The following BAZ1A variants were observed in gnomAD, a reference collection of about 807,000 sequenced individuals.
BAZ1A encodes bromodomain adjacent to zinc finger domain 1A, also known as bromodomain adjacent to zinc finger domain protein 1A.
In BAZ1A, 50 loss-of-function variants were observed where a neutral mutation model predicts 185.2. The observed-to-expected ratio is 0.27, with a 90% CI of 0.22 to 0.34. BAZ1A has a LOEUF of 0.34. Among genes scored for constraint, BAZ1A ranks in the 10% least tolerant of loss-of-function variants. The probability of loss-of-function intolerance (pLI) is 1.00; values close to 1 mark genes in which losing one functional copy is unlikely to be tolerated. For synonymous variants in BAZ1A, 571 were observed against 615.6 expected (o/e 0.93, Z 1.07); for missense variants, 1,356 against 1,839.9 (o/e 0.74, Z 4.81).
At chr14:34,796,165 T>C (rs201507069) in intron 9 of BAZ1A, among the ~76,000 whole-genome samples, 23 of 146,606 alleles carry the variant, frequency 1.6e-4, no homozygotes, top group South Asian at 8.7e-4. Flanking sequence ...TACATATACA[T>C]ACACACACAC....
At chr14:34,769,131 T>C (rs1879045884) in intron 21 of BAZ1A, among the ~76,000 whole-genome samples, 1 of 152,274 alleles carries the variant, frequency 6.6e-6, no homozygotes, top group East Asian at 1.9e-4. Flanking sequence ...ATGGAGAATT[T>C]CGATATATAT....
intron 26 of BAZ1A, 77 bp downstream of exon 26, chr14:34,754,750 A>G (rs8005659): frequency 0.27 from 279,343 of 1,037,524 alleles, 39,529 homozygotes; most frequent in East Asian, 0.3. Flanking sequence ...ACCTCTTTAA[A>G]CAAAAATAAA....
intron 4 of BAZ1A, among the ~76,000 whole-genome samples, chr14:34,819,139 T>C (rs1594871689): frequency 5.2e-5 from 1 of 19,184 alleles, no homozygotes; most frequent in Non-Finnish European, 9.2e-5. Flanking sequence ...AGACTCTGTC[T>C]CAAAAAAAAA....
rs2145031 is a variant in BAZ1A at position 34,874,423 on chromosome 14, A to C, written c.113+69T>G. On this transcript the variant is annotated intron_variant, in intron 2 of 26. Coordinates refer to ENST00000360310, the MANE Select transcript of BAZ1A (RefSeq NM_013448.3). The surrounding 1 kb of genome is among the most constrained non-coding windows in gnomAD (Gnocchi z 4.7). ...AGAAGCCCAGGGCGAGGAAAAGGAGAGAGACAAAAGAGCGCTGCGGGGGGA... is the reference window on the plus strand; with the variant it reads ...AGAAGCCCAGGGCGAGGAAAAGGAGCGAGACAAAAGAGCGCTGCGGGGGGA... The C allele has an allele frequency of 0.27, 384,051 of 1,408,242 alleles. 54,547 individuals are homozygous for C. The highest frequency in any genetic ancestry group is 0.32 in the Middle Eastern group (1,749 of 5,504). 87.2% of individuals were successfully genotyped at this position (1,408,242 alleles called of 1,614,324 possible). A position where few individuals can be genotyped will look rare whatever the true frequency, so the allele number is the denominator to read the frequency against.
At chr14:34,865,734 C>T (rs1809543173) in intron 2 of BAZ1A, among the ~76,000 whole-genome samples, 1 of 151,998 alleles carries the variant, frequency 6.6e-6, no homozygotes, top group Non-Finnish European at 1.5e-5. Flanking sequence ...AGGAAATAAT[C>T]GGTGTATATC....
At chr14:34,826,708 C>T (rs533064679) in intron 3 of BAZ1A, among the ~76,000 whole-genome samples, 1 of 152,256 alleles carries the variant, frequency 6.6e-6, no homozygotes, top group East Asian at 1.9e-4. Flanking sequence ...TTGTTGTAGT[C>T]AGAGAATATA....
At chr14:34,798,618 CAA>C (rs1408760296) in intron 9 of BAZ1A, among the ~76,000 whole-genome samples, 2 of 152,040 alleles carry the variant, frequency 1.3e-5, no homozygotes, top group African/African-American at 2.4e-5. Flanking sequence ...TTTATGCAGC[CAA>C]AAGACACATG....
At chr14:34,757,051 C>T (rs1387363468) in intron 25 of BAZ1A, among the ~76,000 whole-genome samples, 11 of 152,110 alleles carry the variant, frequency 7.2e-5, no homozygotes, top group Admixed American at 7.2e-4. Context: ...GTCATTGTAA[C>T]ACACCATCAT....
At chr14:34,861,424 A>C (rs2042767573) in intron 3 of BAZ1A, among the ~76,000 whole-genome samples, 1 of 152,182 alleles carries the variant, frequency 6.6e-6, no homozygotes, top group Admixed American at 6.6e-5. Flanking sequence ...TATACTACAG[A>C]AAGGAGAAGT....
At chr14:34,764,662 C>G (rs1878699626) in intron 23 of BAZ1A, 45 bp downstream of exon 23, 1 of 1,553,142 alleles carries the variant, frequency 6.4e-7, no homozygotes, top group Non-Finnish European at 8.7e-7. Flanking sequence ...GAGAAATTGT[C>G]TAACTAAGAC....
chr14:34,865,020 C>T (rs1280542407), intron 2 of BAZ1A, among the ~76,000 whole-genome samples: 2 of 152,032 alleles, frequency 1.3e-5, no homozygotes, highest in African/African-American at 4.8e-5. Context: ...TGGTGATCTG[C>T]CCACCTCAGC....
chr14:34,851,332 CAAAAA>C (rs71435818), intron 3 of BAZ1A, among the ~76,000 whole-genome samples: 12 of 43,400 alleles, frequency 2.8e-4, no homozygotes, highest in Admixed American at 4.3e-4. Context: ...GACCCTAGCT[CAAAAA>C]AAAAAAAAAA....
intron 3 of BAZ1A, among the ~76,000 whole-genome samples, chr14:34,838,929 A>G (rs2042370626): frequency 1.3e-5 from 2 of 152,224 alleles, no homozygotes; most frequent in African/African-American, 2.4e-5. Flanking sequence ...AACTCCAATT[A>G]AAAGTATTCA....
chr14:34,773,811 C>G lies in BAZ1A; in HGVS notation c.2998-85G>C, dbSNP rs1467310521. 3.9e-6 allele frequency: 5 copies of G among 1,283,490 alleles called. No individual in the cohort carries two copies. In the Admixed American group the frequency reaches 1.1e-4, roughly 28 times the overall value. 79.5% of individuals were successfully genotyped at this position (1,283,490 alleles called of 1,614,324 possible). A position where few individuals can be genotyped will look rare whatever the true frequency, so the allele number is the denominator to read the frequency against. On this transcript the variant is annotated intron_variant, in intron 19 of 26. Coordinates refer to ENST00000360310, the MANE Select transcript of BAZ1A (RefSeq NM_013448.3). Reference sequence around the variant, plus strand: ...ATGAAGTTCAATATGCATATAAAATCAATTCATGGATATTTTAGAAATGAT... The same window carrying G: ...ATGAAGTTCAATATGCATATAAAATGAATTCATGGATATTTTAGAAATGAT...
chr14:34,837,064 T>C (rs564859218), intron 3 of BAZ1A, among the ~76,000 whole-genome samples: 1 of 151,068 alleles, frequency 6.6e-6, no homozygotes, highest in Non-Finnish European at 1.5e-5. Flanking sequence ...TGAGCAACCA[T>C]GCCTGGCCTA....
chr14:34,822,321 C>T (rs2042101299), intron 4 of BAZ1A, among the ~76,000 whole-genome samples: 2 of 150,278 alleles, frequency 1.3e-5, no homozygotes, highest in Non-Finnish European at 3.0e-5. Flanking sequence ...CAAAAAAATC[C>T]TGTGAATAAA....
chr14:34,754,803 C>A, intron 26 of BAZ1A, 24 bp downstream of exon 26: 1 of 1,483,902 alleles, frequency 6.7e-7, no homozygotes, highest in South Asian at 1.2e-5. Context: ...AAATAAATAT[C>A]AAAGAAAAAC....
Position 34,761,859 on chromosome 14 carries a change from C to A in BAZ1A, c.4141G>T (p.Ala1381Ser). 1 of 1,614,180 alleles carries A rather than the reference C, an allele frequency of 6.2e-7. No homozygotes were observed. Among genetic ancestry groups the A allele is most frequent in the Non-Finnish European group, 8.5e-7 (1 of 1,180,038 alleles). ...CTTGACTGTTCACTTGACTTTGTGGCAATGACTCTGAAGTTAGGGAAGTTG... is the reference window on the plus strand; with the variant it reads ...CTTGACTGTTCACTTGACTTTGTGGAAATGACTCTGAAGTTAGGGAAGTTG... ...SPNFPNFRVI[A>S]TKSSEQSRSV... The change falls in exon 24 of 27, where the codon GCC (alanine) becomes TCC (serine). Residue 1381 changes from alanine (A) to serine (S), a missense_variant. By Grantham distance (99) the Ala-to-Ser change is moderately conservative. Transcript: ENST00000360310.
At chr14:34,828,060 C>T (rs2042188227) in intron 3 of BAZ1A, among the ~76,000 whole-genome samples, 1 of 151,882 alleles carries the variant, frequency 6.6e-6, no homozygotes. Context: ...TTTGGGACAC[C>T]GAGGCGGGCG....
Sources: allele counts gnomAD v4.1 joint callset (sites outside exome capture counted in the v4.1 genomes callset), GRCh38; gene constraint gnomAD v4.1.1; non-coding constraint Gnocchi (gnomAD v3.1); transcripts MANE v1.5; gene names NCBI Gene and HGNC (gene_info 2026-07-23, HGNC 2026-07-21).